C3orf22: variants seen among roughly 807,000 people sequenced by gnomAD.
C3orf22 encodes the protein uncharacterized protein C3orf22.
A neutral mutation model predicts 10.8 loss-of-function variants in C3orf22; 7 were observed. The ratio of observed to expected loss-of-function variants is 0.65; its 90% CI spans 0.37 to 1.22. The LOEUF (loss-of-function observed/expected upper bound fraction) is 1.22. Among genes scored for constraint, C3orf22 ranks in the 50% most tolerant of loss-of-function variants. The probability of loss-of-function intolerance (pLI) is 0.02; values close to 1 mark genes in which losing one functional copy is unlikely to be tolerated. For synonymous variants in C3orf22, 79 were observed against 78.9 expected, an observed-to-expected ratio of 1.00 and a Z score of 0.00; for missense variants, 173 against 177.0, an observed-to-expected ratio of 0.98 and a Z score of 0.13.
downstream of C3orf22, among the ~76,000 whole-genome samples, chr3:126,546,124 G>A (rs975230501): frequency 6.6e-5 from 10 of 152,252 alleles, no homozygotes; most frequent in Admixed American, 3.3e-4. Flanking sequence ...GTTTTAGGTC[G>A]GGTGCCTCAA....
intron 4 of C3orf22, among the ~76,000 whole-genome samples, chr3:126,535,750 T>A (rs989280118): frequency 2.0e-5 from 3 of 152,266 alleles, no homozygotes; most frequent in Admixed American, 1.3e-4. Context: ...GGGGAAGCAC[T>A]GCTGTCACAG....
At position 126,537,802 on chromosome 3, in the gene C3orf22, C is replaced by G. The variant is rs528868617; in HGVS notation, c.287-8430G>C. Among the ~76,000 whole-genome samples, 5 of 152,360 alleles carry G rather than the reference C, an allele frequency of 3.3e-5. No homozygotes were observed. In the South Asian group the frequency reaches 1.0e-3, roughly 32 times the overall value. ...ACAAGTGCTGATCACGTGCCAGGCC[C>G]TTTAGTTCTGTGGACTAATTACGTC... On this transcript the variant is annotated intron_variant and NMD_transcript_variant, in intron 4 of 5. Coordinates refer to the C3orf22 transcript ENST00000505070.
intron 3 of C3orf22, among the ~76,000 whole-genome samples, chr3:126,551,249 C>A (rs571393841): frequency 3.3e-4 from 48 of 145,396 alleles, no homozygotes; most frequent in South Asian, 1.5e-3. Flanking sequence ...AACACAGACC[C>A]CCCCCTGCCC....
chr3:126,528,297 T>C (rs1371300882), intron 5 of C3orf22, among the ~76,000 whole-genome samples: 1 of 152,100 alleles, frequency 6.6e-6, no homozygotes, highest in African/African-American at 2.4e-5. Flanking sequence ...AAATAGTCAC[T>C]GGCACTGGGC....
Position 126,549,986 on chromosome 3 carries a change from A to T in C3orf22, c.308T>A (p.Leu103His). 6.2e-7 allele frequency: 1 copy of T among 1,614,092 alleles called. No individual in the cohort carries two copies. The highest frequency in any genetic ancestry group is 8.5e-7 in the Non-Finnish European group (1 of 1,180,028). Residue 103 changes from leucine (L) to histidine (H), a missense_variant, in exon 4 of 4, where the codon CTC becomes CAC. Physicochemically the swap from Leu to His is moderately conservative, Grantham distance 99 (BLOSUM62 -3). Coordinates refer to ENST00000318225, the MANE Select transcript of C3orf22 (RefSeq NM_152533.3). ...GGGGAAGCGGCGACTCAGCAACTTGAGTTCCCAAAGGTTGCACAGTGGAGG... is the reference window on the plus strand; with the variant it reads ...GGGGAAGCGGCGACTCAGCAACTTGTGTTCCCAAAGGTTGCACAGTGGAGG... Reference protein sequence around the residue: ...SPPPLCNLWELKLLSRRFPRQ... With the variant: ...SPPPLCNLWEHKLLSRRFPRQ...
exon 5 of C3orf22, chr3:126,529,150 C>T (rs1936596615): frequency 2.1e-6 from 1 of 472,414 alleles, no homozygotes; most frequent in Non-Finnish European, 3.8e-6. Context: ...GGGCGCGAGC[C>T]CTGCTTTGGC....
intron 4 of C3orf22, among the ~76,000 whole-genome samples, chr3:126,530,582 C>T (rs1022945388): frequency 2.0e-5 from 3 of 152,254 alleles, no homozygotes; most frequent in African/African-American, 7.2e-5. Flanking sequence ...GCCTGGCCTC[C>T]TCTCATGGGT....
intron 4 of C3orf22, chr3:126,542,013 A>C (rs528621656): frequency 6.4e-7 from 1 of 1,562,782 alleles, no homozygotes; most frequent in South Asian, 1.2e-5. Context: ...TCACTGGCCG[A>C]CTTCAGCCCC....
chr3:126,557,893 C>A (rs1022470959), intron 1 of C3orf22, among the ~76,000 whole-genome samples: 6 of 152,196 alleles, frequency 3.9e-5, no homozygotes, highest in Non-Finnish European at 8.8e-5. Flanking sequence ...TTGGTGGCCT[C>A]CGCCCCTGCA....
chr3:126,546,764 G>A (rs976579913), downstream of C3orf22, among the ~76,000 whole-genome samples: 1 of 152,124 alleles, frequency 6.6e-6, no homozygotes, highest in African/African-American at 2.4e-5. Context: ...ACTAAGCCGT[G>A]GTTGCCAGCT....
At chr3:126,542,397 G>A (rs1936983939) in intron 4 of C3orf22, 1 of 1,555,248 alleles carries the variant, frequency 6.4e-7, no homozygotes, top group Non-Finnish European at 8.7e-7. Context: ...GGCCTGGCGG[G>A]CGCATCCGAC....
At chr3:126,550,110 T>A (rs869464) in intron 3 of C3orf22, 32 bp from the exon 4 acceptor site, 26 of 1,609,640 alleles carry the variant, frequency 1.6e-5, no homozygotes, top group East Asian at 6.7e-5. Flanking sequence ...ACGCCTGGCC[T>A]TCAGGACCCC....
chr3:126,557,630 G>T (rs1022459657), intron 1 of C3orf22, among the ~76,000 whole-genome samples: 1 of 152,208 alleles, frequency 6.6e-6, no homozygotes, highest in Non-Finnish European at 1.5e-5. Flanking sequence ...GCCATGGCAT[G>T]GGAGACCAGC....
At chr3:126,547,305 A>T (rs1422074941), downstream of C3orf22, among the ~76,000 whole-genome samples, 1 of 152,150 alleles carries the variant, frequency 6.6e-6, no homozygotes, top group Non-Finnish European at 1.5e-5. Flanking sequence ...TCTCCTGTCA[A>T]ACATTTCAGC....
chr3:126,556,904 TCA>T lies in C3orf22; in HGVS notation c.-41+1721_-41+1722del, dbSNP rs569692320. The stretch of plus-strand genomic sequence containing the variant: ...CACAGACTCACACACATGCTCAGAC[TCA>T]CACACATAGACACACACAGACACAT... On this transcript the variant is annotated intron_variant, in intron 1 of 3. Coordinates refer to ENST00000318225, the MANE Select transcript of C3orf22 (RefSeq NM_152533.3). Among the ~76,000 whole-genome samples the T allele has an allele frequency of 4.6e-3, 623 of 135,238 alleles. 4 individuals are homozygous for T. The highest frequency in any genetic ancestry group is 0.018 in the African/African-American group (595 of 33,538). The allele number at this position is 135,238 out of a possible 152,430, so 88.7% of individuals were successfully genotyped here. A position where few individuals can be genotyped will look rare whatever the true frequency, so the allele number is the denominator to read the frequency against.
At chr3:126,542,290 C>T (rs570511427) in intron 4 of C3orf22, 87 of 1,567,000 alleles carry the variant, frequency 5.6e-5, no homozygotes, top group Non-Finnish European at 7.3e-5. Flanking sequence ...TCAACGAGCA[C>T]TGGGAGCGCG....
intron 3 of C3orf22, 100 bp downstream of exon 3, chr3:126,551,897 G>A: frequency 7.5e-7 from 1 of 1,333,814 alleles, no homozygotes; most frequent in Non-Finnish European, 1.0e-6. Context: ...GGCGCGTGCT[G>A]GGAGGATAAC....
chr3:126,551,102 A>G (rs1937171407), intron 3 of C3orf22, among the ~76,000 whole-genome samples: 1 of 152,072 alleles, frequency 6.6e-6, no homozygotes, highest in Non-Finnish European at 1.5e-5. Flanking sequence ...ATGTGCATGT[A>G]AGTCTGTTCT....
intron 4 of C3orf22, among the ~76,000 whole-genome samples, chr3:126,539,746 C>T (rs1379872016): frequency 2.8e-5 from 3 of 106,162 alleles, no homozygotes; most frequent in Admixed American, 9.1e-5. Context: ...ACACACCCCA[C>T]ACCACACACT....
Sources: allele counts gnomAD v4.1 joint callset (sites outside exome capture counted in the v4.1 genomes callset), GRCh38; gene constraint gnomAD v4.1.1; transcripts MANE v1.5; gene names NCBI Gene and HGNC (gene_info 2026-07-23, HGNC 2026-07-21).